ACOX1: variants seen among roughly 807,000 people sequenced by gnomAD.
ACOX1 encodes the protein acyl-CoA oxidase 1.
A neutral mutation model predicts 75.5 loss-of-function variants in ACOX1; 41 were observed. The ratio of observed to expected loss-of-function variants is 0.54; its 90% CI spans 0.42 to 0.70. The LOEUF (loss-of-function observed/expected upper bound fraction) is 0.70. Ranked by LOEUF, ACOX1 falls within the 30% of genes least tolerant of loss-of-function variation. ACOX1 has a pLI of 0.00. For missense variants in ACOX1, 630 were observed against 837.5 expected (o/e 0.75, Z 3.06); for synonymous variants, 303 against 298.8 (o/e 1.01, Z -0.15).
At chr17:75,946,843 T>G (rs1449819010) in intron 13 of ACOX1, 48 bp from the exon 14 acceptor site, 1 of 1,554,038 alleles carries the variant, frequency 6.4e-7, no homozygotes, top group Non-Finnish European at 8.9e-7. Flanking sequence ...GTTTGCCATG[T>G]TAAATAGTAT....
chr17:75,967,735 C>T (rs540354769), intron 2 of ACOX1, among the ~76,000 whole-genome samples: 1 of 129,176 alleles, frequency 7.7e-6, no homozygotes, highest in African/African-American at 2.8e-5. Context: ...TATATATATA[C>T]ACGTATATAT....
At position 75,978,939 on chromosome 17, in the gene ACOX1, A is replaced by G; in HGVS notation, c.109+26T>C. ...AGTCTCCAGCTTTTCTCGGGAAAGG[A>G]GGGAGGTCTCGCCCGCCGCCCTCAC... On this transcript the variant is annotated intron_variant, in intron 1 of 13. Transcript: ENST00000293217. The surrounding 1 kb of genome is among the most constrained non-coding windows in gnomAD (Gnocchi z 4.2). The G allele has an allele frequency of 6.2e-7, 1 of 1,607,486 alleles. No individual in the cohort carries two copies.
rs2065757288 is a variant in ACOX1 at position 75,949,772 on chromosome 17, ACCATG to A, written c.1419_1423del (p.Met474GlyfsTer13). 1 of 1,613,986 alleles carries A rather than the reference ACCATG, an allele frequency of 6.2e-7. No individual in the cohort carries two copies. Among genetic ancestry groups the A allele is most frequent in the African/African-American group, 1.3e-5 (1 of 74,882 alleles). On this transcript the variant is annotated frameshift_variant, in exon 10 of 14. Coordinates refer to ENST00000293217, the MANE Select transcript of ACOX1 (RefSeq NM_004035.7). LOFTEE classifies it high-confidence loss of function. ...TAGGCTTTCGGGGCTGTTGATATCC[ACCATG>A]GTTGGCCAGACTGCTACCTGCTGTG... is the stretch of plus-strand genomic sequence containing the variant.
intron 2 of ACOX1, among the ~76,000 whole-genome samples, chr17:75,976,274 G>C (rs1233654647): frequency 3.9e-5 from 6 of 152,160 alleles, no homozygotes; most frequent in Admixed American, 3.3e-4. Flanking sequence ...CGGTGTCCAT[G>C]AATCTTTAAC....
At chr17:75,967,748 A>G (rs1354724296) in intron 2 of ACOX1, among the ~76,000 whole-genome samples, 1 of 146,460 alleles carries the variant, frequency 6.8e-6, no homozygotes, top group African/African-American at 2.5e-5. Context: ...GTATATATAT[A>G]TATATTTTTT....
chr17:75,965,416 A>T (rs1036284464), intron 2 of ACOX1, among the ~76,000 whole-genome samples: 1 of 151,872 alleles, frequency 6.6e-6, no homozygotes, highest in African/African-American at 2.4e-5. Flanking sequence ...ACAGGAAAGA[A>T]ATAGCTTCCC....
chr17:75,975,648 A>G (rs2066041272), intron 2 of ACOX1, among the ~76,000 whole-genome samples: 2 of 152,214 alleles, frequency 1.3e-5, no homozygotes, highest in African/African-American at 4.8e-5. Context: ...AACATCAGTT[A>G]AAAATGTTTT....
In ACOX1 at chr17:75,942,429, C is replaced by CAAAAAAAAAAAAAAAA. The variant is rs35173085; in HGVS notation, c.*4303_*4318dup. 1.5e-5 allele frequency: 1 copy of CAAAAAAAAAAAAAAAA among 66,634 alleles called. No individual in the cohort carries two copies. The highest frequency in any genetic ancestry group is 5.5e-5 in the African/African-American group (1 of 18,044). 4.1% of individuals were successfully genotyped at this position (66,634 alleles called of 1,614,324 possible). ...TGGGTGAAAGAGCAAGACAACGTCT[C>CAAAAAAAAAAAAAAAA]AAAAAAAAAAAAAAAAAAAAAAGCA... On this transcript the variant is annotated 3_prime_UTR_variant, in exon 14 of 14. Coordinates refer to ENST00000293217, the MANE Select transcript of ACOX1 (RefSeq NM_004035.7).
rs754378378 is a variant in ACOX1 at position 75,949,451 on chromosome 17, ATGC to A, written c.1584+41_1584+43del. On this transcript the variant is annotated intron_variant, in intron 11 of 13. Transcript: ENST00000293217. ...GGGTTTCTGTACCAGAAAATGCGGG[ATGC>A]TGAGGGCAGGGAAGGGGAAAAAGAG... 109 of 1,611,248 alleles carry A rather than the reference ATGC, an allele frequency of 6.8e-5. No homozygotes were observed. In the South Asian group the frequency reaches 1.0e-3, roughly 15 times the overall value.
chr17:75,951,582 G>A lies in ACOX1; in HGVS notation c.945-5C>T, dbSNP rs565971118. 52 of 1,613,942 alleles carry A rather than the reference G, an allele frequency of 3.2e-5. 1 individual carries two copies. In the South Asian group the frequency reaches 5.1e-4, roughly 16 times the overall value. ...AAAATCTGTGGTTCTGGTTCACTAC[G>A]TGACATAGAAAAAGAAAAAAAGTAG... On this transcript the variant is annotated splice_region_variant and splice_polypyrimidine_tract_variant and intron_variant, in intron 7 of 13. Coordinates refer to ENST00000293217, the MANE Select transcript of ACOX1 (RefSeq NM_004035.7).
At chr17:75,975,924 A>C (rs554770585) in intron 2 of ACOX1, among the ~76,000 whole-genome samples, 1 of 151,666 alleles carries the variant, frequency 6.6e-6, no homozygotes, top group Non-Finnish European at 1.5e-5. Context: ...AGAAAGAAAA[A>C]GAAAGGAAAA....
At position 75,978,646 on chromosome 17, in the gene ACOX1, A is replaced by G; in HGVS notation, c.157T>C (p.Phe53Leu). 1 of 1,614,204 alleles carries G rather than the reference A, an allele frequency of 6.2e-7. No homozygotes were observed. Among genetic ancestry groups the G allele is most frequent in the Non-Finnish European group, 8.5e-7 (1 of 1,180,026 alleles). The change falls in exon 2 of 14, where the codon TTC becomes CTC. Residue 53 changes from phenylalanine to leucine, a missense_variant. Physicochemically the swap from Phe to Leu is conservative, Grantham distance 22 (BLOSUM62 0). Coordinates refer to ENST00000293217, the MANE Select transcript of ACOX1 (RefSeq NM_004035.7). This position sits in a 1 kb window ranked among gnomAD's most constrained non-coding sequence, Gnocchi z 4.2. ...TCATAACGCTGGCTGCGAGTGAGGA[A>G]GTTCAAGTCCTCATGCTGGAAGTCT... Reference protein sequence around the residue: ...DPDFQHEDLNFLTRSQRYEVA... With the variant: ...DPDFQHEDLNLLTRSQRYEVA...
intron 2 of ACOX1, among the ~76,000 whole-genome samples, chr17:75,970,688 C>T (rs1250776966): frequency 1.3e-5 from 2 of 152,150 alleles, no homozygotes; most frequent in African/African-American, 2.4e-5. Flanking sequence ...TCTGTGAGAC[C>T]GCGTTAGATA....
intron 13 of ACOX1, 81 bp from the exon 14 acceptor site, chr17:75,946,876 G>T (rs1186662874): frequency 3.7e-5 from 45 of 1,202,596 alleles, no homozygotes; most frequent in Admixed American, 8.7e-5. Flanking sequence ...TTTTGTTTTT[G>T]TTTTTTTTTT....
chr17:75,975,944 G>A (rs1235886931), intron 2 of ACOX1, among the ~76,000 whole-genome samples: 1 of 140,858 alleles, frequency 7.1e-6, no homozygotes, highest in Non-Finnish European at 1.6e-5. Context: ...AGAAAGAAAA[G>A]AAAAGAAAGA....
intron 7 of ACOX1, among the ~76,000 whole-genome samples, chr17:75,952,521 T>G (rs1400265524): frequency 2.0e-5 from 3 of 152,012 alleles, no homozygotes; most frequent in Non-Finnish European, 4.4e-5. Flanking sequence ...CTTGAACTCC[T>G]GACTTCAAGT....
At chr17:75,967,691 TAC>T (rs767196911) in intron 2 of ACOX1, among the ~76,000 whole-genome samples, 1 of 131,870 alleles carries the variant, frequency 7.6e-6, no homozygotes, top group African/African-American at 2.9e-5. Flanking sequence ...CGTATATATA[TAC>T]ATACATATAT....
Position 75,943,613 on chromosome 17 carries a change from G to A in ACOX1, c.*3135C>T, listed in dbSNP as rs144255180. On this transcript the variant is annotated 3_prime_UTR_variant, in exon 14 of 14. Transcript: ENST00000293217. ...AGGTGTATGTGATCTGAAATTACAAGTGGTGACTTCTCAGAAAGCATATGA... is the reference window on the plus strand; with the variant it reads ...AGGTGTATGTGATCTGAAATTACAAATGGTGACTTCTCAGAAAGCATATGA... 6.6e-6 allele frequency: 1 copy of A among 152,314 alleles called. No individual in the cohort carries two copies. Among genetic ancestry groups the A allele is most frequent in the East Asian group, 1.9e-4 (1 of 5,184 alleles). The allele number at this position is 152,314 out of a possible 1,614,324, so 9.4% of individuals were successfully genotyped here. A position where few individuals can be genotyped will look rare whatever the true frequency, so the allele number is the denominator to read the frequency against.
intron 2 of ACOX1, among the ~76,000 whole-genome samples, chr17:75,962,648 G>A (rs948636356): frequency 3.3e-5 from 5 of 152,160 alleles, no homozygotes. Flanking sequence ...TTTCAGCTAA[G>A]CAATCACACT....
Sources: allele counts gnomAD v4.1 joint callset (sites outside exome capture counted in the v4.1 genomes callset), GRCh38; gene constraint gnomAD v4.1.1; non-coding constraint Gnocchi (gnomAD v3.1); transcripts MANE v1.5; gene names NCBI Gene and HGNC (gene_info 2026-07-23, HGNC 2026-07-21).